The following LRP1B variants were observed in gnomAD, a reference collection of about 807,000 sequenced individuals.
LRP1B encodes low-density lipoprotein receptor-related protein 1B.
A neutral mutation model predicts 556.6 loss-of-function variants in LRP1B; 217 were observed. That is an observed-to-expected ratio of 0.39 (90% confidence interval 0.35 to 0.44). LRP1B has a LOEUF of 0.44. Among genes scored for constraint, LRP1B ranks in the 20% least tolerant of loss-of-function variants. The pLI is 1.00. For missense variants in LRP1B, 5,053 were observed against 5,620.8 expected, an observed-to-expected ratio of 0.90 and a Z score of 3.23; for synonymous variants, 2,047 against 1,865.8, an observed-to-expected ratio of 1.10 and a Z score of -2.50.
At chr2:140,398,688 A>G (rs1303896610) in intron 66 of LRP1B, among the ~76,000 whole-genome samples, 1 of 152,152 alleles carries the variant, frequency 6.6e-6, no homozygotes, top group Non-Finnish European at 1.5e-5. Flanking sequence ...CACTATGCCA[A>G]GCCAAGAATC....
intron 2 of LRP1B, among the ~76,000 whole-genome samples, chr2:141,552,991 G>A (rs942353316): frequency 6.6e-6 from 1 of 151,756 alleles, no homozygotes; most frequent in African/African-American, 2.4e-5. Flanking sequence ...ACAATATGGA[G>A]AGGTAGTGGG....
chr2:140,699,445 G>C (rs1686551255), intron 41 of LRP1B, among the ~76,000 whole-genome samples: 1 of 151,802 alleles, frequency 6.6e-6, no homozygotes, highest in Admixed American at 6.6e-5. Context: ...ATGAGTCAGG[G>C]ATTTCATATT....
At chr2:141,734,696 G>T (rs1230836142) in intron 2 of LRP1B, among the ~76,000 whole-genome samples, 1 of 151,962 alleles carries the variant, frequency 6.6e-6, no homozygotes, top group East Asian at 1.9e-4. Context: ...TGTCTCCTTG[G>T]CATTATGAAT....
intron 2 of LRP1B, among the ~76,000 whole-genome samples, chr2:141,572,758 A>C (rs541680954): frequency 6.6e-6 from 1 of 152,254 alleles, no homozygotes; most frequent in Non-Finnish European, 1.5e-5. Context: ...AATGGAAAGC[A>C]AAACAAACAA....
intron 32 of LRP1B, among the ~76,000 whole-genome samples, chr2:140,805,913 A>G (rs917622039): frequency 2.4e-4 from 36 of 152,096 alleles, no homozygotes; most frequent in African/African-American, 8.2e-4. Flanking sequence ...TAGACTGAAT[A>G]TTTGTGTCCC....
chr2:140,696,041 A>T (rs1686418708), intron 41 of LRP1B, among the ~76,000 whole-genome samples: 1 of 152,214 alleles, frequency 6.6e-6, no homozygotes, highest in African/African-American at 2.4e-5. Context: ...TTTAACACCT[A>T]AAAATATGAA....
intron 15 of LRP1B, among the ~76,000 whole-genome samples, chr2:140,997,829 C>T (rs902906980): frequency 2.6e-5 from 4 of 151,770 alleles, no homozygotes; most frequent in Admixed American, 6.6e-5. Context: ...TCGCCTATAC[C>T]GGAAGACTGT....
intron 2 of LRP1B, among the ~76,000 whole-genome samples, chr2:141,781,737 G>C (rs1431464999): frequency 6.6e-6 from 1 of 152,084 alleles, no homozygotes; most frequent in Non-Finnish European, 1.5e-5. Context: ...GAGTTACACA[G>C]ACATAGATAA....
chr2:140,270,465 G>A, intron 85 of LRP1B, 119 bp from the exon 86 acceptor site: 1 of 630,506 alleles, frequency 1.6e-6, no homozygotes. Context: ...GGAGTGGCTG[G>A]TTAAAAGGAA....
chr2:141,945,124 AAC>A (rs916816527), intron 1 of LRP1B, among the ~76,000 whole-genome samples: 33 of 152,286 alleles, frequency 2.2e-4, no homozygotes, highest in African/African-American at 7.9e-4. Flanking sequence ...TGGAGCAGAC[AAC>A]AGTTTGTATC....
At chr2:140,330,692 G>A (rs544555666) in intron 79 of LRP1B, among the ~76,000 whole-genome samples, 6 of 114,588 alleles carry the variant, frequency 5.2e-5, no homozygotes, top group African/African-American at 1.9e-4. Context: ...GATGCCAAAA[G>A]CAATTGTTAA....
chr2:140,532,947 T>TCTATATATATATACAC lies in LRP1B; in HGVS notation c.7762+1073_7762+1074insGTGTATATATATATAG. Among the ~76,000 whole-genome samples the TCTATATATATATACAC allele has an allele frequency of 1.6e-3, 195 of 124,314 alleles. 3 individuals carry two copies. Among genetic ancestry groups the TCTATATATATATACAC allele is most frequent in the African/African-American group, 6.1e-3 (191 of 31,518 alleles). 81.6% of individuals were successfully genotyped at this position (124,314 alleles called of 152,430 possible). On this transcript the variant is annotated intron_variant, in intron 47 of 90. Transcript: ENST00000389484. Reference sequence around the variant, plus strand: ...AGCACAAGATATATATATATATATATACACATATATATCTCGATCTGTTTA... The same window carrying TCTATATATATATACAC: ...AGCACAAGATATATATATATATATATCTATATATATATACACACACATATATATCTCGATCTGTTTA...
At chr2:141,485,637 T>G (rs1019931471) in intron 2 of LRP1B, among the ~76,000 whole-genome samples, 1 of 152,140 alleles carries the variant, frequency 6.6e-6, no homozygotes, top group African/African-American at 2.4e-5. Context: ...TAATTCCCAA[T>G]GATCATTTGT....
At chr2:141,182,427 G>A (rs1681044618) in intron 7 of LRP1B, among the ~76,000 whole-genome samples, 1 of 151,942 alleles carries the variant, frequency 6.6e-6, no homozygotes, top group Non-Finnish European at 1.5e-5. Flanking sequence ...CCATCCTACA[G>A]GTGAATGCTG....
At chr2:140,324,894 G>T (rs1573793106) in intron 80 of LRP1B, among the ~76,000 whole-genome samples, 1 of 140,332 alleles carries the variant, frequency 7.1e-6, no homozygotes, top group African/African-American at 2.7e-5. Context: ...TTCCATCTGA[G>T]GCCATTGATT....
intron 83 of LRP1B, among the ~76,000 whole-genome samples, chr2:140,302,549 A>T (rs534608822): frequency 6.6e-6 from 1 of 152,308 alleles, no homozygotes; most frequent in Non-Finnish European, 1.5e-5. Context: ...GGGATGCCAA[A>T]GTAGCTGGTA....
At chr2:142,099,849 T>G (rs1027068874) in intron 1 of LRP1B, among the ~76,000 whole-genome samples, 3 of 151,982 alleles carry the variant, frequency 2.0e-5, no homozygotes, top group African/African-American at 7.2e-5. Context: ...TCCCATAGCA[T>G]TTAAATTACC....
intron 9 of LRP1B, among the ~76,000 whole-genome samples, chr2:141,057,087 C>T (rs1348413077): frequency 6.6e-6 from 1 of 151,836 alleles, no homozygotes; most frequent in Admixed American, 6.6e-5. Flanking sequence ...GGATCTTGAT[C>T]CAATCCACCA....
intron 43 of LRP1B, among the ~76,000 whole-genome samples, chr2:140,573,279 ATAT>A (rs1222287839): frequency 6.6e-6 from 1 of 151,924 alleles, no homozygotes; most frequent in Non-Finnish European, 1.5e-5. Flanking sequence ...GTCAATTAAA[ATAT>A]TAATAAAATC....
Sources: gnomAD v4.1 joint callset for allele counts (sites outside exome capture counted in the v4.1 genomes callset) on GRCh38, gnomAD v4.1.1 for gene constraint, MANE v1.5 for transcripts, NCBI Gene and HGNC (gene_info 2026-07-23, HGNC 2026-07-21) for gene names.